Variants in TRHDE observed in about 807,000 individuals in gnomAD.
The protein encoded by TRHDE is thyrotropin releasing hormone degrading enzyme.
In TRHDE, 72 loss-of-function variants were observed where a neutral mutation model predicts 125.7. That is an observed-to-expected ratio of 0.57 (90% CI 0.47 to 0.70). The LOEUF is 0.70. Among genes scored for constraint, TRHDE ranks in the 30% least tolerant of loss-of-function variants. The probability of loss-of-function intolerance (pLI) is 0.00; values close to 1 mark genes in which losing one functional copy is unlikely to be tolerated. For missense variants in TRHDE, 1,110 were observed against 1,327.1 expected, an observed-to-expected ratio of 0.84 and a Z score of 2.54; for synonymous variants, 509 against 509.1, an observed-to-expected ratio of 1.00 and a Z score of 0.00.
rs558091600 is a variant in TRHDE, at chr12:72,127,546, C to T, written n.279+21794C>T. Among the ~76,000 whole-genome samples the T allele has an allele frequency of 1.6e-4, 25 of 152,230 alleles. No homozygotes were observed. The South Asian group carries it at 5.2e-3, about 32-fold the overall frequency. ...CATGTCATTTGCAGCAACATGGATT[C>T]AGTTGGAGGCATTATCCTGAGCAAA... On this transcript the variant is annotated intron_variant and non_coding_transcript_variant, in intron 2 of 4. Coordinates refer to the TRHDE transcript ENST00000548156.
chr12:72,601,448 C>T (rs1397611959), intron 12 of TRHDE, among the ~76,000 whole-genome samples: 1 of 152,200 alleles, frequency 6.6e-6, no homozygotes, highest in African/African-American at 2.4e-5. Flanking sequence ...TATAAACTTA[C>T]TTGCTATTAC....
At chr12:72,224,331 T>C (rs1165679030) in intron 2 of TRHDE, among the ~76,000 whole-genome samples, 1 of 152,028 alleles carries the variant, frequency 6.6e-6, no homozygotes, top group Non-Finnish European at 1.5e-5. Flanking sequence ...TCTGGACCTT[T>C]GCAGGTGATA....
At chr12:72,509,020 A>C (rs1878472753) in intron 6 of TRHDE, among the ~76,000 whole-genome samples, 1 of 152,116 alleles carries the variant, frequency 6.6e-6, no homozygotes, top group Admixed American at 6.6e-5. Flanking sequence ...CTGTGAGCCA[A>C]TTAAACCTCT....
chr12:72,279,647 G>A (rs557360427), intron 1 of TRHDE, among the ~76,000 whole-genome samples: 1 of 152,172 alleles, frequency 6.6e-6, no homozygotes, highest in African/African-American at 2.4e-5. Flanking sequence ...AACAGGCACA[G>A]CTGTATGGTG....
At chr12:72,236,959 T>A (rs908751183) in intron 2 of TRHDE, among the ~76,000 whole-genome samples, 1 of 152,232 alleles carries the variant, frequency 6.6e-6, no homozygotes, top group Non-Finnish European at 1.5e-5. Context: ...TGGGATTTTT[T>A]AAAATTTGGT....
chr12:72,612,430 A>C (rs1872664708), intron 12 of TRHDE, among the ~76,000 whole-genome samples: 2 of 152,248 alleles, frequency 1.3e-5, no homozygotes, highest in South Asian at 2.1e-4. Context: ...GGAAGAAAGC[A>C]CTTAACCCTA....
chr12:72,108,306 A>G (rs1875235502), intron 2 of TRHDE, among the ~76,000 whole-genome samples: 1 of 152,136 alleles, frequency 6.6e-6, no homozygotes, highest in African/African-American at 2.4e-5. Context: ...GTGAATACTG[A>G]AACTATCAGA....
chr12:72,238,304 AT>A (rs1878386839), intron 2 of TRHDE, among the ~76,000 whole-genome samples: 1 of 36,180 alleles, frequency 2.8e-5, no homozygotes, highest in Non-Finnish European at 5.7e-5. Context: ...ATATATATAT[AT>A]ATATATATAT....
At chr12:72,187,867 C>G (rs143108357) in intron 2 of TRHDE, among the ~76,000 whole-genome samples, 2 of 152,160 alleles carry the variant, frequency 1.3e-5, no homozygotes, top group East Asian at 1.9e-4. Flanking sequence ...AACTGCATTA[C>G]CAGATTAAAT....
At chr12:72,259,666 A>G (rs956807143) in intron 2 of TRHDE, among the ~76,000 whole-genome samples, 1 of 152,000 alleles carries the variant, frequency 6.6e-6, no homozygotes, top group Non-Finnish European at 1.5e-5. Context: ...TCCTCTTTCC[A>G]TGTTTGTACC....
At chr12:72,627,460 G>GTCTT (rs1288947242) in intron 15 of TRHDE, among the ~76,000 whole-genome samples, 1 of 151,836 alleles carries the variant, frequency 6.6e-6, no homozygotes, top group African/African-American at 2.4e-5. Flanking sequence ...GGTCATAAGA[G>GTCTT]TCTTTAAAGA....
At chr12:72,193,743 A>C (rs1238408171) in intron 2 of TRHDE, among the ~76,000 whole-genome samples, 1 of 152,160 alleles carries the variant, frequency 6.6e-6, no homozygotes, top group Non-Finnish European at 1.5e-5. Flanking sequence ...ATAAATACAC[A>C]GTATGGTGGA....
At chr12:72,206,300 C>G (rs923385433) in intron 2 of TRHDE, among the ~76,000 whole-genome samples, 1 of 152,064 alleles carries the variant, frequency 6.6e-6, no homozygotes, top group African/African-American at 2.4e-5. Flanking sequence ...ACCATGTTGG[C>G]CAGACTGGTA....
At chr12:72,626,642 T>C (rs1271623553) in intron 15 of TRHDE, among the ~76,000 whole-genome samples, 1 of 151,994 alleles carries the variant, frequency 6.6e-6, no homozygotes, top group Middle Eastern at 3.2e-3. Context: ...TGTTTCATCC[T>C]TGCTCTTAAT....
At chr12:72,387,372 C>T (rs771453187) in intron 3 of TRHDE, among the ~76,000 whole-genome samples, 3 of 152,014 alleles carry the variant, frequency 2.0e-5, no homozygotes, top group Admixed American at 1.3e-4. Flanking sequence ...AACCACCGTA[C>T]TCTTTTGCTT....
At chr12:72,634,264 A>C (rs530598362) in intron 15 of TRHDE, among the ~76,000 whole-genome samples, 7 of 152,272 alleles carry the variant, frequency 4.6e-5, no homozygotes, top group African/African-American at 1.7e-4. Flanking sequence ...CTAAAGAATG[A>C]GAATAGAAAG....
rs199988535 is a variant in TRHDE, at chr12:72,626,263, G to A, written c.2675+4512G>A. Among the ~76,000 whole-genome samples the A allele has an allele frequency of 2.6e-5, 4 of 151,916 alleles. No individual in the cohort carries two copies. In the East Asian group the frequency reaches 7.8e-4, roughly 30 times the overall value. On this transcript the variant is annotated intron_variant, in intron 15 of 18. Transcript: ENST00000261180. The stretch of plus-strand genomic sequence containing the variant: ...TTTTAGTTTCCTCATCTGCAAAATG[G>A]CAATCATATTACTAACCACACAGGT...
intron 16 of TRHDE, among the ~76,000 whole-genome samples, 178 bp downstream of exon 16, chr12:72,652,667 CT>C (rs1314975061): frequency 6.9e-6 from 1 of 145,752 alleles, no homozygotes; most frequent in Non-Finnish European, 1.5e-5. Context: ...GAGGTTATAT[CT>C]TTTTATGAGT....
intron 12 of TRHDE, among the ~76,000 whole-genome samples, chr12:72,578,925 A>G (rs1273943214): frequency 6.6e-6 from 1 of 151,678 alleles, no homozygotes; most frequent in Non-Finnish European, 1.5e-5. Flanking sequence ...GCTCACAGGT[A>G]AAATATTTGG....
Sources: gnomAD v4.1 joint callset for allele counts (sites outside exome capture counted in the v4.1 genomes callset) on GRCh38, gnomAD v4.1.1 for gene constraint, MANE v1.5 for transcripts, NCBI Gene and HGNC (gene_info 2026-07-23, HGNC 2026-07-21) for gene names.